Variants in AK9 observed in about 807,000 individuals in gnomAD.
The protein encoded by AK9 is adenylate kinase 9, also known as adenylate kinase domain containing 1.
AK9 carries 191 observed loss-of-function variants against 239.6 expected under a neutral mutation model. The ratio of observed to expected loss-of-function variants is 0.80; its 90% CI spans 0.71 to 0.90. AK9 has a LOEUF of 0.90. Among genes scored for constraint, AK9 ranks in the 40% least tolerant of loss-of-function variants. The probability of loss-of-function intolerance (pLI) is 0.00; values close to 1 mark genes in which losing one functional copy is unlikely to be tolerated. For missense variants in AK9, 1,995 were observed against 2,214.7 expected (o/e 0.90, Z 1.99); for synonymous variants, 689 against 721.0 (o/e 0.96, Z 0.71).
At chr6:109,520,232 G>T (rs930212723) in intron 29 of AK9, among the ~76,000 whole-genome samples, 6 of 152,016 alleles carry the variant, frequency 3.9e-5, no homozygotes, top group Admixed American at 6.6e-5. Context: ...TTTCTTCTAG[G>T]AATCATATAG....
chr6:109,652,620 C>T (rs988465226), intron 8 of AK9, among the ~76,000 whole-genome samples: 52 of 152,238 alleles, frequency 3.4e-4, no homozygotes, highest in African/African-American at 1.2e-3. Flanking sequence ...AGGTATGTTA[C>T]AATACTTTAT....
chr6:109,633,639 C>T (rs566330997), intron 10 of AK9, among the ~76,000 whole-genome samples: 45 of 152,184 alleles, frequency 3.0e-4, no homozygotes, highest in African/African-American at 1.1e-3. Context: ...AGGTAGATAG[C>T]GCATTTTCTA....
At chr6:109,679,558 G>A (rs1302712611) in intron 1 of AK9, among the ~76,000 whole-genome samples, 1 of 152,176 alleles carries the variant, frequency 6.6e-6, no homozygotes, top group African/African-American at 2.4e-5. Flanking sequence ...CTGCCTGCCA[G>A]CTCTGAAGAG....
At chr6:109,629,644 T>C (rs1795906977) in intron 12 of AK9, among the ~76,000 whole-genome samples, 1 of 151,896 alleles carries the variant, frequency 6.6e-6, no homozygotes, top group South Asian at 2.1e-4. Flanking sequence ...AATTTTTTTT[T>C]TTTTTTGAGA....
intron 17 of AK9, among the ~76,000 whole-genome samples, chr6:109,596,128 C>G (rs1791001673): frequency 6.6e-6 from 1 of 152,204 alleles, no homozygotes; most frequent in African/African-American, 2.4e-5. Flanking sequence ...GCAGCCAATG[C>G]AGATGGGTAT....
chr6:109,685,128 G>T (rs1250608130), intron 1 of AK9, among the ~76,000 whole-genome samples: 1 of 152,070 alleles, frequency 6.6e-6, no homozygotes, highest in Non-Finnish European at 1.5e-5. Context: ...TACACTGTTG[G>T]TGGGAGTGTA....
At chr6:109,555,283 A>G (rs760356422) in intron 24 of AK9, among the ~76,000 whole-genome samples, 3 of 152,204 alleles carry the variant, frequency 2.0e-5, no homozygotes, top group Admixed American at 6.5e-5. Context: ...GCAATCATTC[A>G]GGAGCAGGTT....
At position 109,633,331 on chromosome 6, in the gene AK9, T is replaced by C. The variant is rs1198842374; in HGVS notation, c.934-8A>G. The C allele has an allele frequency of 1.3e-6, 2 of 1,586,882 alleles. No homozygotes were observed. Among genetic ancestry groups the C allele is most frequent in the Non-Finnish European group, 1.7e-6 (2 of 1,175,266 alleles). ...AGTACGAAATAGCTCATCCTGTGAA[T>C]TGCAAATACTACATTAAAAATATGG... On this transcript the variant is annotated splice_region_variant and splice_polypyrimidine_tract_variant and intron_variant, in intron 10 of 40. Transcript: ENST00000424296.
intron 25 of AK9, 34 bp downstream of exon 25, chr6:109,550,056 G>T: frequency 6.3e-7 from 1 of 1,596,240 alleles, no homozygotes; most frequent in South Asian, 1.1e-5. Context: ...AAAATCCTGT[G>T]GGAGCAATCA....
chr6:109,645,173 A>G (rs977154964), intron 8 of AK9, among the ~76,000 whole-genome samples: 1 of 152,102 alleles, frequency 6.6e-6, no homozygotes, highest in Non-Finnish European at 1.5e-5. Flanking sequence ...TGCATTTCCA[A>G]CTGAGGTACT....
chr6:109,638,617 C>T (rs537092261), intron 10 of AK9, among the ~76,000 whole-genome samples: 3 of 152,130 alleles, frequency 2.0e-5, no homozygotes, highest in South Asian at 2.1e-4. Context: ...GTAGCTGGGA[C>T]GATGGGCATG....
In AK9 at chr6:109,610,374, G is replaced by T; in HGVS notation, c.1833C>A (p.Val611=). The change falls in exon 17 of 41, where the codon GTC becomes GTA. Residue 611 remains valine, a synonymous_variant. Coordinates refer to ENST00000424296, the MANE Select transcript of AK9 (RefSeq NM_001145128.3). ...CAGCTAGATTTTTTACCTCTCCAAGGACTTCCTGTAAGATTTCAGCATGTT... is the reference window on the plus strand; with the variant it reads ...CAGCTAGATTTTTTACCTCTCCAAGTACTTCCTGTAAGATTTCAGCATGTT... ...YEKHAEILQE[V]LGEVMEENKD... 1.3e-6 allele frequency: 2 copies of T among 1,551,328 alleles called. No homozygotes were observed. Among genetic ancestry groups the T allele is most frequent in the South Asian group, 2.4e-5 (2 of 83,990 alleles).
At chr6:109,602,130 G>C (rs947263673) in intron 17 of AK9, among the ~76,000 whole-genome samples, 4 of 152,144 alleles carry the variant, frequency 2.6e-5, no homozygotes, top group Non-Finnish European at 5.9e-5. Flanking sequence ...GATATTAGCT[G>C]GTTATTTTGC....
rs1582696262 is a variant in AK9 at position 109,493,482 on chromosome 6, A to G, written c.5623T>C (p.Leu1875=). 6.2e-7 allele frequency: 1 copy of G among 1,614,100 alleles called. No individual in the cohort carries two copies. Among genetic ancestry groups the G allele is most frequent in the Non-Finnish European group, 8.5e-7 (1 of 1,180,004 alleles). ...TATTTTCTGGTCATCTTGGCACCCA[A>G]GTATGTTATGAGTTCACAACTCTCC... is the stretch of plus-strand genomic sequence containing the variant. ...FMESCELITY[L]GAKMTRKYKE... is the part of the protein sequence containing the mutation. The change falls in exon 41 of 41, where the codon TTG becomes CTG. Residue 1875 remains leucine (L), a synonymous_variant. Coordinates refer to ENST00000424296, the MANE Select transcript of AK9 (RefSeq NM_001145128.3).
Position 109,554,248 on chromosome 6 carries a change from T to C in AK9, c.2752-3946A>G, listed in dbSNP as rs549340313. 2.0e-5 allele frequency among the ~76,000 whole-genome samples: 3 copies of C among 152,320 alleles called. No homozygotes were observed. The South Asian group carries it at 6.2e-4, about 32-fold the overall frequency. ...GGAGGAGTCTCTCCTTTTCAGTTGT[T>C]TGCAATAGTTTCAGAAGTAATGGTA... On this transcript the variant is annotated intron_variant, in intron 24 of 40. Transcript: ENST00000424296.
rs371015468 is a variant in AK9, at chr6:109,622,222, A to G, written c.1255-2986T>C. ...ATATTGTATATATTTTAGACATTAT[A>G]TATAATATACATATTATATTATATA... is the stretch of plus-strand genomic sequence containing the variant. On this transcript the variant is annotated intron_variant, in intron 12 of 40. Transcript: ENST00000424296. 7.4e-4 allele frequency among the ~76,000 whole-genome samples: 107 copies of G among 144,930 alleles called. 1 individual carries two copies. The East Asian group carries it at 0.017, about 24-fold the overall frequency.
At chr6:109,660,679 C>T (rs1324540480) in intron 6 of AK9, among the ~76,000 whole-genome samples, 1 of 152,176 alleles carries the variant, frequency 6.6e-6, no homozygotes, top group Non-Finnish European at 1.5e-5. Flanking sequence ...CTTCAGCTGT[C>T]TCCCGTTCTC....
At chr6:109,656,502 T>C (rs1327793599) in intron 8 of AK9, among the ~76,000 whole-genome samples, 3 of 152,218 alleles carry the variant, frequency 2.0e-5, no homozygotes, top group South Asian at 2.1e-4. Context: ...CATAAAGGAA[T>C]TTCCTCACTG....
intron 10 of AK9, among the ~76,000 whole-genome samples, chr6:109,637,008 AC>A (rs1796801209): frequency 3.3e-5 from 5 of 152,160 alleles, no homozygotes; most frequent in Admixed American, 6.5e-5. Flanking sequence ...GTACCATTTT[AC>A]ATCCCCACAA....
Sources: allele counts gnomAD v4.1 joint callset (sites outside exome capture counted in the v4.1 genomes callset), GRCh38; gene constraint gnomAD v4.1.1; transcripts MANE v1.5; gene names NCBI Gene and HGNC (gene_info 2026-07-23, HGNC 2026-07-21).